Variants in MAML2 observed in about 807,000 individuals in gnomAD.
The protein encoded by MAML2 is mastermind like transcriptional coactivator 2, also known as mastermind-like protein 2.
Under a neutral mutation model 96.1 loss-of-function variants are expected in MAML2, and 22 were observed. The ratio of observed to expected loss-of-function variants is 0.23; its 90% CI spans 0.16 to 0.33. The LOEUF is 0.33. Among genes scored for constraint, MAML2 ranks in the 10% least tolerant of loss-of-function variants. MAML2 has a pLI of 1.00. For synonymous variants in MAML2, 561 were observed against 521.3 expected (o/e 1.08, Z -1.04); for missense variants, 1,367 against 1,392.4 (o/e 0.98, Z 0.29).
intron 1 of MAML2, among the ~76,000 whole-genome samples, chr11:96,291,115 C>CTTTTT (rs58889757): frequency 7.2e-5 from 5 of 69,026 alleles, no homozygotes; most frequent in Admixed American, 1.9e-4. Flanking sequence ...TTTCACAAGC[C>CTTTTT]TTTTTTTTTT....
intron 1 of MAML2, among the ~76,000 whole-genome samples, chr11:96,245,983 G>A (rs1303911585): frequency 1.3e-5 from 2 of 152,236 alleles, no homozygotes; most frequent in East Asian, 1.9e-4. Flanking sequence ...GATTACAGGT[G>A]TGAGCCACTG....
intron 1 of MAML2, among the ~76,000 whole-genome samples, chr11:96,156,027 C>A (rs963743866): frequency 2.0e-5 from 3 of 152,268 alleles, no homozygotes; most frequent in African/African-American, 7.2e-5. Flanking sequence ...GCTGACCGCC[C>A]CCCACTGGTT....
chr11:96,131,320 T>TA (rs1197411604), intron 1 of MAML2, among the ~76,000 whole-genome samples: 1 of 151,778 alleles, frequency 6.6e-6, no homozygotes, highest in Non-Finnish European at 1.5e-5. Context: ...ATAATAAAAA[T>TA]AAAAATAGTT....
At chr11:96,172,595 GA>G (rs1428191622) in intron 1 of MAML2, among the ~76,000 whole-genome samples, 1 of 152,182 alleles carries the variant, frequency 6.6e-6, no homozygotes, top group East Asian at 1.9e-4. Flanking sequence ...TTTTTGTCCT[GA>G]AATGTTGCCC....
intron 1 of MAML2, among the ~76,000 whole-genome samples, chr11:96,284,499 C>T (rs1321059893): frequency 6.6e-6 from 1 of 152,130 alleles, no homozygotes; most frequent in African/African-American, 2.4e-5. Flanking sequence ...TTGATAAGCT[C>T]TTTTCCACAG....
chr11:96,119,704 C>T (rs1485997772), intron 1 of MAML2, among the ~76,000 whole-genome samples: 1 of 152,196 alleles, frequency 6.6e-6, no homozygotes, highest in Admixed American at 6.5e-5. Context: ...TTGGCTCTCT[C>T]TCTTAGAGCT....
At position 96,068,438 on chromosome 11, in the gene MAML2, TCACACACACA is replaced by T. The variant is rs10522513; in HGVS notation, c.2139+23444_2139+23453del. ...GTAGAATTTCCTGGGGGAGCTTACT[TCACACACACA>T]CACACACACACACACACACACACAC... On this transcript the variant is annotated intron_variant, in intron 2 of 4. Transcript: ENST00000524717. Among the ~76,000 whole-genome samples, 530 of 120,372 alleles carry T rather than the reference TCACACACACA, an allele frequency of 4.4e-3. 6 individuals carry two copies. Among genetic ancestry groups the T allele is most frequent in the Non-Finnish European group, 4.6e-3 (266 of 57,568 alleles). 79.0% of individuals were successfully genotyped at this position (120,372 alleles called of 152,430 possible). A position where few individuals can be genotyped will look rare whatever the true frequency, so the allele number is the denominator to read the frequency against.
At chr11:95,998,199 A>G (rs867935974) in intron 2 of MAML2, among the ~76,000 whole-genome samples, 1 of 99,762 alleles carries the variant, frequency 1.0e-5, no homozygotes, top group Non-Finnish European at 2.4e-5. Context: ...CACCCCATCC[A>G]TCCATCTACG....
In MAML2 at chr11:96,276,837, A is replaced by G. The variant is rs967142612; in HGVS notation, c.513+64546T>C. On this transcript the variant is annotated intron_variant, in intron 1 of 4. Transcript: ENST00000524717. The stretch of plus-strand genomic sequence containing the variant: ...GACCCAAAAAAAAAAAAAAAAAAAA[A>G]GCTTTTAATCCTTGCTCTGTGCAGT... Among the ~76,000 whole-genome samples, 6 of 138,192 alleles carry G rather than the reference A, an allele frequency of 4.3e-5. No individual in the cohort carries two copies. The South Asian group carries it at 1.2e-3, about 27-fold the overall frequency. The allele number at this position is 138,192 out of a possible 152,430, so 90.7% of individuals were successfully genotyped here. A position where few individuals can be genotyped will look rare whatever the true frequency, so the allele number is the denominator to read the frequency against.
intron 1 of MAML2, among the ~76,000 whole-genome samples, chr11:96,131,761 G>A (rs751648268): frequency 3.3e-5 from 5 of 152,178 alleles, no homozygotes; most frequent in Non-Finnish European, 7.3e-5. Flanking sequence ...TGTAATCCCA[G>A]CACTTTGAGA....
At chr11:95,998,810 G>A (rs1272296181) in intron 2 of MAML2, among the ~76,000 whole-genome samples, 1 of 152,106 alleles carries the variant, frequency 6.6e-6, no homozygotes, top group East Asian at 1.9e-4. Context: ...GAAGCTGGAT[G>A]CATGTTTTAA....
chr11:96,198,506 A>G (rs1861763312), intron 1 of MAML2, among the ~76,000 whole-genome samples: 1 of 152,176 alleles, frequency 6.6e-6, no homozygotes, highest in Non-Finnish European at 1.5e-5. Flanking sequence ...TGTAATCATC[A>G]TGGGGGTAGA....
At chr11:96,169,425 G>A (rs188895617) in intron 1 of MAML2, among the ~76,000 whole-genome samples, 1 of 152,286 alleles carries the variant, frequency 6.6e-6, no homozygotes, top group African/African-American at 2.4e-5. Flanking sequence ...CCTGCTCCCA[G>A]GCCCTGGGGA....
At chr11:96,205,932 G>C (rs1861889307) in intron 1 of MAML2, among the ~76,000 whole-genome samples, 1 of 152,162 alleles carries the variant, frequency 6.6e-6, no homozygotes, top group Non-Finnish European at 1.5e-5. Context: ...TGCTCATGTT[G>C]TCCATGCAAA....
intron 1 of MAML2, among the ~76,000 whole-genome samples, chr11:96,217,546 T>C (rs184734089): frequency 6.6e-6 from 1 of 152,362 alleles, no homozygotes; most frequent in East Asian, 1.9e-4. Context: ...GTTTTTGCTC[T>C]ATGGTTTCCT....
chr11:96,036,577 C>T (rs1858716111), intron 2 of MAML2, among the ~76,000 whole-genome samples: 1 of 152,116 alleles, frequency 6.6e-6, no homozygotes, highest in Non-Finnish European at 1.5e-5. Flanking sequence ...AATAGGGATA[C>T]ATTGTGATTT....
Position 96,105,138 on chromosome 11 carries a change from T to C in MAML2, c.514-11621A>G, listed in dbSNP as rs564815011. Among the ~76,000 whole-genome samples the C allele has an allele frequency of 2.0e-5, 3 of 152,358 alleles. No individual in the cohort carries two copies. The South Asian group carries it at 6.2e-4, about 32-fold the overall frequency. On this transcript the variant is annotated intron_variant, in intron 1 of 4. Coordinates refer to ENST00000524717, the MANE Select transcript of MAML2 (RefSeq NM_032427.4). ...GTTGAAATGCTGGAAAGAGGCCAAATGGACACATTTATTTTGGTTTCTCTT... is the reference window on the plus strand; with the variant it reads ...GTTGAAATGCTGGAAAGAGGCCAAACGGACACATTTATTTTGGTTTCTCTT...
At chr11:96,247,967 T>C (rs1295424251) in intron 1 of MAML2, among the ~76,000 whole-genome samples, 1 of 152,158 alleles carries the variant, frequency 6.6e-6, no homozygotes, top group South Asian at 2.1e-4. Context: ...TAGTTCAAAC[T>C]GAAATGTGCT....
At chr11:96,247,690 A>G (rs572550388) in intron 1 of MAML2, among the ~76,000 whole-genome samples, 1 of 152,138 alleles carries the variant, frequency 6.6e-6, no homozygotes, top group Non-Finnish European at 1.5e-5. Flanking sequence ...TGCTATACCC[A>G]TTCTAGCACA....
Sources: allele counts gnomAD v4.1 joint callset (sites outside exome capture counted in the v4.1 genomes callset), GRCh38; gene constraint gnomAD v4.1.1; transcripts MANE v1.5; gene names NCBI Gene and HGNC (gene_info 2026-07-23, HGNC 2026-07-21).